Variants in IL1RAPL1 observed in about 807,000 individuals in gnomAD.
IL1RAPL1 encodes interleukin-1 receptor accessory protein-like 1.
A neutral mutation model predicts 48.4 loss-of-function variants in IL1RAPL1; 3 were observed. That is an observed-to-expected ratio of 0.06 (90% CI 0.03 to 0.16). The LOEUF (loss-of-function observed/expected upper bound fraction) is 0.16, where lower values mean the gene tolerates loss of function less well. Among genes scored for constraint, IL1RAPL1 ranks in the 10% least tolerant of loss-of-function variants. IL1RAPL1 has a pLI of 1.00. For synonymous variants in IL1RAPL1, 185 were observed against 187.7 expected (o/e 0.99, Z 0.12); for missense variants, 349 against 530.6 (o/e 0.66, Z 3.36).
chrX:29,326,886 T>C (rs73460500), intron 3 of IL1RAPL1, among the ~76,000 whole-genome samples: 4,531 of 111,995 alleles, frequency 0.04, 201 homozygotes, highest in African/African-American at 0.13. Flanking sequence ...ATAACCGTGG[T>C]TTTCCATGTT....
chrX:28,826,176 T>C (rs1406278309), intron 2 of IL1RAPL1, among the ~76,000 whole-genome samples: 3 of 112,032 alleles, frequency 2.7e-5, no homozygotes, highest in Non-Finnish European at 5.7e-5. Context: ...GTTACGTTCA[T>C]TCAATTATTA....
intron 3 of IL1RAPL1, among the ~76,000 whole-genome samples, chrX:29,389,769 A>G (rs890253457): frequency 1.7e-4 from 19 of 112,615 alleles, no homozygotes; most frequent in African/African-American, 6.1e-4. Context: ...GTTCAACAAA[A>G]TGTTTAAAAA....
chrX:28,965,908 T>C (rs1188580892), intron 2 of IL1RAPL1, among the ~76,000 whole-genome samples: 1 of 111,855 alleles, frequency 8.9e-6, no homozygotes, highest in Non-Finnish European at 1.9e-5. Flanking sequence ...TAAACATGTA[T>C]TTTGTGCCTT....
At chrX:29,229,395 A>G (rs1931150615) in intron 2 of IL1RAPL1, among the ~76,000 whole-genome samples, 1 of 110,733 alleles carries the variant, frequency 9.0e-6, no homozygotes, top group Non-Finnish European at 1.9e-5. Flanking sequence ...ATTCTGTATG[A>G]TAATTTTTAA....
chrX:29,945,222 C>T (rs763541791), intron 9 of IL1RAPL1, among the ~76,000 whole-genome samples: 1 of 111,874 alleles, frequency 8.9e-6, no homozygotes, highest in Admixed American at 9.5e-5. Context: ...CCTATACATG[C>T]TTTTATGGTC....
At chrX:29,065,473 G>T (rs1431353943) in intron 2 of IL1RAPL1, among the ~76,000 whole-genome samples, 2 of 111,261 alleles carry the variant, frequency 1.8e-5, no homozygotes, top group African/African-American at 6.5e-5. Flanking sequence ...TTTGTATTTG[G>T]CTCTTAGCAT....
At chrX:28,936,008 T>C (rs1420131238) in intron 2 of IL1RAPL1, among the ~76,000 whole-genome samples, 1 of 111,673 alleles carries the variant, frequency 9.0e-6, no homozygotes, top group Non-Finnish European at 1.9e-5. Context: ...AGTATGTTTG[T>C]AATTAGGCAA....
intron 1 of IL1RAPL1, among the ~76,000 whole-genome samples, chrX:28,758,225 A>G (rs1048319703): frequency 1.8e-5 from 2 of 112,006 alleles, no homozygotes; most frequent in Non-Finnish European, 3.8e-5. Flanking sequence ...TGAGGAAGCT[A>G]ATTGCAGAAG....
chrX:29,126,761 G>C (rs1569242144), intron 2 of IL1RAPL1, among the ~76,000 whole-genome samples: 1 of 112,038 alleles, frequency 8.9e-6, no homozygotes, highest in Non-Finnish European at 1.9e-5. Context: ...AATATAATTA[G>C]TAAGTCATTG....
rs746194201 is a variant in IL1RAPL1, at chrX:29,903,196, G to GAGAGAGAGAGAGAGACAGAGACAGAGAC, written c.779-14259_779-14258insGAGAGACAGAGACAGAGACAGAGAGAGA. ...TGTGTGTGTGTGTGAGAGAGAGAGA[G>GAGAGAGAGAGAGAGACAGAGACAGAGAC]AGAGAGAGACAAAGAAATTCTTCTC... On this transcript the variant is annotated intron_variant, in intron 6 of 10. Coordinates refer to ENST00000378993, the MANE Select transcript of IL1RAPL1 (RefSeq NM_014271.4). 8.1e-3 allele frequency among the ~76,000 whole-genome samples: 882 copies of GAGAGAGAGAGAGAGACAGAGACAGAGAC among 108,601 alleles called. 4 individuals are homozygous for GAGAGAGAGAGAGAGACAGAGACAGAGAC. Among genetic ancestry groups the GAGAGAGAGAGAGAGACAGAGACAGAGAC allele is most frequent in the African/African-American group, 0.011 (328 of 30,059 alleles). The allele number at this position is 108,601 out of a possible 115,157, so 94.3% of individuals were successfully genotyped here.
chrX:29,203,608 A>G (rs1359005634), intron 2 of IL1RAPL1, among the ~76,000 whole-genome samples: 1 of 107,161 alleles, frequency 9.3e-6, no homozygotes, highest in Non-Finnish European at 1.9e-5. Context: ...AATACCAGCT[A>G]CTCAGGAGGC....
At chrX:28,886,040 T>C (rs967177916) in intron 2 of IL1RAPL1, among the ~76,000 whole-genome samples, 4 of 110,842 alleles carry the variant, frequency 3.6e-5, no homozygotes, top group Non-Finnish European at 7.6e-5. Context: ...CTTTATACTG[T>C]ATAAACCACA....
intron 2 of IL1RAPL1, among the ~76,000 whole-genome samples, chrX:29,158,941 TCC>T (rs1929625469): frequency 3.0e-5 from 1 of 33,334 alleles, no homozygotes; most frequent in African/African-American, 1.4e-4. Context: ...TCCCCCCCCC[TCC>T]CTCCCTCTCC....
chrX:29,873,614 G>C (rs1415633144), intron 6 of IL1RAPL1, among the ~76,000 whole-genome samples: 1 of 111,305 alleles, frequency 9.0e-6, no homozygotes, highest in Non-Finnish European at 1.9e-5. Context: ...ATTAATCTTG[G>C]ACTTCCTAGC....
chrX:29,886,857 T>C (rs1428611515), intron 6 of IL1RAPL1, among the ~76,000 whole-genome samples: 1 of 112,011 alleles, frequency 8.9e-6, no homozygotes, highest in Non-Finnish European at 1.9e-5. Flanking sequence ...ATATAAACCA[T>C]GAAATAAAAT....
intron 3 of IL1RAPL1, among the ~76,000 whole-genome samples, chrX:29,356,181 TATC>T (rs1460311551): frequency 9.0e-6 from 1 of 111,166 alleles, no homozygotes; most frequent in Non-Finnish European, 1.9e-5. Context: ...TTCAGTTCCT[TATC>T]ATCATTGGCC....
At chrX:29,152,345 A>G (rs1929484203) in intron 2 of IL1RAPL1, among the ~76,000 whole-genome samples, 1 of 111,650 alleles carries the variant, frequency 9.0e-6, no homozygotes, top group Non-Finnish European at 1.9e-5. Context: ...TTGCTGGAGA[A>G]AGCTACTCTA....
chrX:29,202,145 T>C (rs1930568598), intron 2 of IL1RAPL1, among the ~76,000 whole-genome samples: 2 of 112,237 alleles, frequency 1.8e-5, no homozygotes, highest in African/African-American at 6.5e-5. Flanking sequence ...CCAGCATCTA[T>C]AGGGAACTAA....
chrX:28,945,317 A>G (rs1924269485), intron 2 of IL1RAPL1, among the ~76,000 whole-genome samples: 1 of 111,448 alleles, frequency 9.0e-6, no homozygotes, highest in South Asian at 3.7e-4. Context: ...TTATTACAGC[A>G]CTGTTTACAA....
Sources: allele counts gnomAD v4.1 joint callset (sites outside exome capture counted in the v4.1 genomes callset), GRCh38; gene constraint gnomAD v4.1.1; transcripts MANE v1.5; gene names NCBI Gene and HGNC (gene_info 2026-07-23, HGNC 2026-07-21).